Variants in B9D1 observed in about 807,000 individuals in gnomAD.
B9D1 encodes B9 domain containing 1.
A neutral mutation model predicts 26.1 loss-of-function variants in B9D1; 20 were observed. The ratio of observed to expected loss-of-function variants is 0.77; its 90% confidence interval spans 0.54 to 1.12. B9D1 has a LOEUF of 1.12. Among genes scored for constraint, B9D1 ranks in the 50% most tolerant of loss-of-function variants. The pLI is 0.00. For synonymous variants in B9D1, 105 were observed against 103.1 expected (o/e 1.02, Z -0.11); for missense variants, 260 against 273.7 (o/e 0.95, Z 0.35).
chr17:19,369,617 A>G lies in B9D1; in HGVS notation c.-298+8242T>C, dbSNP rs118061777. On this transcript the variant is annotated intron_variant, in intron 1 of 5. Transcript: ENST00000477478. ...TCCCTCTGTGTGGGTGTGGGGGGAA[A>G]GCTGAGAGGCCGAGGAGCAGGCAGA... is the stretch of plus-strand genomic sequence containing the variant. Among the ~76,000 whole-genome samples, 990 of 152,116 alleles carry G rather than the reference A, an allele frequency of 6.5e-3. 54 individuals are homozygous for G. The East Asian group carries it at 0.12, about 18-fold the overall frequency.
intron 1 of B9D1, among the ~76,000 whole-genome samples, chr17:19,373,015 A>G (rs1911962375): frequency 6.6e-6 from 1 of 152,076 alleles, no homozygotes; most frequent in South Asian, 2.1e-4. Flanking sequence ...AGTTTGGCTG[A>G]GCCGGACTCC....
In B9D1 at chr17:19,370,412, C is replaced by T. The variant is rs756223760; in HGVS notation, c.-298+7447G>A. Among the ~76,000 whole-genome samples, 10 of 152,148 alleles carry T rather than the reference C, an allele frequency of 6.6e-5. No individual in the cohort carries two copies. The highest frequency in any genetic ancestry group is 1.9e-4 in the East Asian group (1 of 5,188). ...AAGAGCAGAGGGCCAGGAGAAGGGG[C>T]GTGTGGCTGTGTGGTTGACATCTCG... On this transcript the variant is annotated intron_variant, in intron 1 of 5. Coordinates refer to the B9D1 transcript ENST00000477478. The surrounding 1 kb of genome is among the most constrained non-coding windows in gnomAD (Gnocchi z 5.1).
chr17:19,366,125 G>A (rs1236750838), upstream of B9D1, among the ~76,000 whole-genome samples: 1 of 151,776 alleles, frequency 6.6e-6, no homozygotes. Flanking sequence ...ATTATAAGTG[G>A]GTGTCCGGCT....
chr17:19,357,660 G>C, intron 3 of B9D1, 180 bp downstream of exon 3: 1 of 653,238 alleles, frequency 1.5e-6, no homozygotes, highest in East Asian at 2.8e-5. Context: ...GGGGTGAGTG[G>C]GGATGAGGAA....
At chr17:19,349,803 T>C (rs1033585318) in intron 3 of B9D1, among the ~76,000 whole-genome samples, 5 of 152,218 alleles carry the variant, frequency 3.3e-5, no homozygotes, top group Non-Finnish European at 7.3e-5. Context: ...TCAACTTCAT[T>C]GATCTTCTCC....
chr17:19,335,459 A>G (rs1907365796), downstream of B9D1: 1 of 1,549,990 alleles, frequency 6.5e-7, no homozygotes, highest in Non-Finnish European at 8.7e-7. Context: ...AATGGAAGAA[A>G]CATCTTTAAC....
At chr17:19,349,286 A>G (rs1909278412) in intron 3 of B9D1, among the ~76,000 whole-genome samples, 1 of 151,980 alleles carries the variant, frequency 6.6e-6, no homozygotes, top group South Asian at 2.1e-4. Flanking sequence ...TGAGACCTTT[A>G]CCTGTTTCTT....
intron 3 of B9D1, among the ~76,000 whole-genome samples, chr17:19,353,319 A>G (rs1204922573): frequency 6.6e-6 from 1 of 151,990 alleles, no homozygotes; most frequent in African/African-American, 2.4e-5. Context: ...TTTTCAGCCT[A>G]TTTTCTTCTC....
chr17:19,356,049 G>C (rs1910302136), intron 3 of B9D1, among the ~76,000 whole-genome samples: 1 of 152,012 alleles, frequency 6.6e-6, no homozygotes, highest in South Asian at 2.1e-4. Context: ...AAAATATATA[G>C]AAATAATTTT....
chr17:19,364,902 C>G (rs1276729687), upstream of B9D1, among the ~76,000 whole-genome samples: 2 of 152,248 alleles, frequency 1.3e-5, no homozygotes, highest in Non-Finnish European at 2.9e-5. This position sits in a 1 kb window ranked among gnomAD's most constrained non-coding sequence, Gnocchi z 4.3. Flanking sequence ...TTGAGCAGAG[C>G]AGGTGTCAGC....
chr17:19,344,059 C>A (rs1015358972), intron 5 of B9D1, among the ~76,000 whole-genome samples: 1 of 152,248 alleles, frequency 6.6e-6, no homozygotes, highest in Non-Finnish European at 1.5e-5. Context: ...CGAGGTCACA[C>A]AGCCTAGCCA....
At chr17:19,368,530 G>A (rs1567911035) in intron 1 of B9D1, among the ~76,000 whole-genome samples, 1 of 152,216 alleles carries the variant, frequency 6.6e-6, no homozygotes, top group Non-Finnish European at 1.5e-5. Context: ...GTAGGGCTCA[G>A]TAAATGTCAG....
Position 19,347,960 on chromosome 17 carries a change from T to A in B9D1, c.245-80A>T, listed in dbSNP as rs1267561033. ...GGGCAGAGAACAGGGCGTGTCCAGCTGAGGGTGCTCAAAGGATGGAGCTCA... is the reference window on the plus strand; with the variant it reads ...GGGCAGAGAACAGGGCGTGTCCAGCAGAGGGTGCTCAAAGGATGGAGCTCA... On this transcript the variant is annotated intron_variant, in intron 3 of 6. Transcript: ENST00000261499. This position sits in a 1 kb window ranked among gnomAD's most constrained non-coding sequence, Gnocchi z 4.3. 1 of 1,258,586 alleles carries A rather than the reference T, an allele frequency of 7.9e-7. No individual in the cohort carries two copies. Among genetic ancestry groups the A allele is most frequent in the Non-Finnish European group, 1.1e-6 (1 of 870,900 alleles). 78.0% of individuals were successfully genotyped at this position (1,258,586 alleles called of 1,614,324 possible).
chr17:19,334,764 C>T (rs192302765), downstream of B9D1: 158 of 153,362 alleles, frequency 1.0e-3, 1 homozygote, highest in Non-Finnish European at 2.0e-4. The surrounding 1 kb of genome is among the most constrained non-coding windows in gnomAD (Gnocchi z 4.9). Flanking sequence ...ACACCACCAC[C>T]GTGGACAACT....
chr17:19,364,682 T>C (rs1168705876), upstream of B9D1: 1 of 152,432 alleles, frequency 6.6e-6, no homozygotes, highest in Non-Finnish European at 1.5e-5. This position sits in a 1 kb window ranked among gnomAD's most constrained non-coding sequence, Gnocchi z 4.3. Flanking sequence ...GTTGTTAACA[T>C]ATATTGCTGA....
intron 5 of B9D1, among the ~76,000 whole-genome samples, chr17:19,346,230 C>T (rs1398525075): frequency 3.3e-5 from 5 of 152,226 alleles, no homozygotes; most frequent in Admixed American, 6.5e-5. Flanking sequence ...TCCTTTGCTA[C>T]AGGGTGGCCT....
upstream of B9D1, among the ~76,000 whole-genome samples, chr17:19,367,232 T>A (rs1206115227): frequency 6.6e-6 from 1 of 152,056 alleles, no homozygotes; most frequent in Non-Finnish European, 1.5e-5. Context: ...CTTTGGCCTC[T>A]GCACCTGCAC....
intron 3 of B9D1, among the ~76,000 whole-genome samples, chr17:19,351,276 C>A (rs1478494100): frequency 2.0e-5 from 3 of 152,166 alleles, no homozygotes; most frequent in African/African-American, 7.2e-5. Flanking sequence ...TGTGCCTGGC[C>A]AACTATAGAT....
At position 19,376,378 on chromosome 17, in the gene B9D1, C is replaced by T. The variant is rs72838816; in HGVS notation, c.-298+1481G>A. 1.6e-3 allele frequency among the ~76,000 whole-genome samples: 245 copies of T among 152,072 alleles called. 1 individual carries two copies. The highest frequency in any genetic ancestry group is 3.0e-3 in the Non-Finnish European group (205 of 67,988). Reference sequence around the variant, plus strand: ...GAGAGTTGGACATGCCTTATTATACCCCTCCAACATTAACATCAACACTGA... The same window carrying T: ...GAGAGTTGGACATGCCTTATTATACTCCTCCAACATTAACATCAACACTGA... On this transcript the variant is annotated intron_variant, in intron 1 of 5. Transcript: ENST00000477478.
Sources: allele counts gnomAD v4.1 joint callset (sites outside exome capture counted in the v4.1 genomes callset), GRCh38; gene constraint gnomAD v4.1.1; non-coding constraint Gnocchi (gnomAD v3.1); transcripts MANE v1.5; gene names NCBI Gene and HGNC (gene_info 2026-07-23, HGNC 2026-07-21).